Variants in ROBO1 observed in about 807,000 individuals in gnomAD.
The protein encoded by ROBO1 is roundabout guidance receptor 1.
Under a neutral mutation model 195.9 loss-of-function variants are expected in ROBO1, and 149 were observed. The ratio of observed to expected loss-of-function variants is 0.76; its 90% CI spans 0.67 to 0.87. The LOEUF is 0.87. Among genes scored for constraint, ROBO1 ranks in the 40% least tolerant of loss-of-function variants. The probability of loss-of-function intolerance (pLI) is 0.00; values close to 1 mark genes in which losing one functional copy is unlikely to be tolerated. For missense variants in ROBO1, 1,933 were observed against 2,068.3 expected, an observed-to-expected ratio of 0.93 and a Z score of 1.27; for synonymous variants, 816 against 733.2, an observed-to-expected ratio of 1.11 and a Z score of -1.82.
chr3:79,355,160 G>C (rs566339764), intron 2 of ROBO1, among the ~76,000 whole-genome samples: 1 of 151,178 alleles, frequency 6.6e-6, no homozygotes, highest in Non-Finnish European at 1.5e-5. Flanking sequence ...AGCAAGACTC[G>C]GTCTCAAAAA....
chr3:79,502,507 C>T (rs996117451), intron 2 of ROBO1, among the ~76,000 whole-genome samples: 1 of 152,102 alleles, frequency 6.6e-6, no homozygotes, highest in Non-Finnish European at 1.5e-5. Context: ...CCCTTCCCCA[C>T]CGCCATGGGC....
intron 2 of ROBO1, among the ~76,000 whole-genome samples, chr3:79,566,886 A>C (rs901314829): frequency 1.3e-5 from 2 of 152,172 alleles, no homozygotes; most frequent in African/African-American, 4.8e-5. Flanking sequence ...TTCCTAAAGG[A>C]CATAGAGACA....
At chr3:78,632,300 A>G (rs1705231521) in intron 24 of ROBO1, among the ~76,000 whole-genome samples, 1 of 152,126 alleles carries the variant, frequency 6.6e-6, no homozygotes, top group Non-Finnish European at 1.5e-5. Flanking sequence ...GGGAATTTTC[A>G]GTCAAATGGC....
intron 10 of ROBO1, among the ~76,000 whole-genome samples, chr3:78,684,731 T>C (rs2081014082): frequency 6.6e-6 from 1 of 152,102 alleles, no homozygotes; most frequent in African/African-American, 2.4e-5. Context: ...TAAAGAAAGA[T>C]GAGGAGTCAA....
chr3:79,289,502 T>G (rs1411921126), intron 2 of ROBO1, among the ~76,000 whole-genome samples: 1 of 152,124 alleles, frequency 6.6e-6, no homozygotes, highest in Non-Finnish European at 1.5e-5. Flanking sequence ...TTAGGTGAAA[T>G]GTTTACCACT....
At chr3:79,124,214 A>G (rs1259019180) in intron 3 of ROBO1, among the ~76,000 whole-genome samples, 1 of 152,072 alleles carries the variant, frequency 6.6e-6, no homozygotes, top group Non-Finnish European at 1.5e-5. Context: ...TCCCACCCCC[A>G]TAGACTTTCA....
intron 2 of ROBO1, among the ~76,000 whole-genome samples, chr3:79,448,151 G>A (rs981184798): frequency 6.6e-6 from 1 of 152,084 alleles, no homozygotes; most frequent in African/African-American, 2.4e-5. Context: ...GGCAAATTTA[G>A]GTTGATAAAT....
chr3:78,797,096 T>C (rs1298727291), intron 4 of ROBO1, among the ~76,000 whole-genome samples: 1 of 152,186 alleles, frequency 6.6e-6, no homozygotes, highest in East Asian at 1.9e-4. Flanking sequence ...TCTAACTTTC[T>C]AAAACTTTCA....
At chr3:78,629,640 T>C (rs957967088) in intron 25 of ROBO1, among the ~76,000 whole-genome samples, 2 of 136,410 alleles carry the variant, frequency 1.5e-5, no homozygotes, top group Admixed American at 7.3e-5. Flanking sequence ...TCCCTGTTTC[T>C]AAAAACAAAA....
chr3:79,358,042 G>A (rs1367458284), intron 2 of ROBO1, among the ~76,000 whole-genome samples: 3 of 152,020 alleles, frequency 2.0e-5, no homozygotes, highest in East Asian at 3.8e-4. Flanking sequence ...TTAGAATATC[G>A]GTTAAGAGCA....
intron 2 of ROBO1, among the ~76,000 whole-genome samples, chr3:79,478,670 C>T (rs1938669571): frequency 6.6e-6 from 1 of 152,122 alleles, no homozygotes; most frequent in Non-Finnish European, 1.5e-5. Context: ...CATCCCCATA[C>T]CACCTTCCAA....
At chr3:79,649,479 AT>A (rs1945935730) in intron 1 of ROBO1, among the ~76,000 whole-genome samples, 1 of 152,118 alleles carries the variant, frequency 6.6e-6, no homozygotes, top group African/African-American at 2.4e-5. Flanking sequence ...TTAGCCCAAA[AT>A]ATCCATATTC....
intron 2 of ROBO1, among the ~76,000 whole-genome samples, chr3:79,330,193 T>G (rs2034376647): frequency 6.7e-6 from 1 of 150,356 alleles, no homozygotes; most frequent in Admixed American, 6.7e-5. Context: ...TTAGGCAACA[T>G]GCATGGCACA....
At chr3:79,022,953 A>G (rs1408932526) in intron 3 of ROBO1, among the ~76,000 whole-genome samples, 1 of 152,202 alleles carries the variant, frequency 6.6e-6, no homozygotes, top group Non-Finnish European at 1.5e-5. Context: ...GGAGGTAGCC[A>G]CAGGAACTCT....
chr3:79,353,444 CAT>C (rs1318681463), intron 2 of ROBO1, among the ~76,000 whole-genome samples: 3 of 151,612 alleles, frequency 2.0e-5, no homozygotes, highest in African/African-American at 7.3e-5. Context: ...CAGAAGCACA[CAT>C]GTACGCAAAA....
chr3:79,540,931 G>T (rs1214444157), intron 2 of ROBO1, among the ~76,000 whole-genome samples: 1 of 151,924 alleles, frequency 6.6e-6, no homozygotes, highest in Non-Finnish European at 1.5e-5. Flanking sequence ...CATAATTATT[G>T]CATTTTGCAA....
At chr3:79,338,929 T>C (rs1156728362) in intron 2 of ROBO1, among the ~76,000 whole-genome samples, 1 of 152,194 alleles carries the variant, frequency 6.6e-6, no homozygotes, top group African/African-American at 2.4e-5. Context: ...AATCAAACTT[T>C]GATTTTACAT....
At chr3:79,200,425 A>G (rs556885525) in intron 2 of ROBO1, among the ~76,000 whole-genome samples, 2 of 151,966 alleles carry the variant, frequency 1.3e-5, no homozygotes, top group South Asian at 2.1e-4. Flanking sequence ...AAAAATATAC[A>G]TATATTTTAT....
intron 1 of ROBO1, among the ~76,000 whole-genome samples, chr3:79,700,935 C>T (rs1947605038): frequency 6.6e-6 from 1 of 151,722 alleles, no homozygotes; most frequent in African/African-American, 2.4e-5. Context: ...CCTAAGTTTT[C>T]TGCTAGGATT....
Sources: gnomAD v4.1 joint callset for allele counts (sites outside exome capture counted in the v4.1 genomes callset) on GRCh38, gnomAD v4.1.1 for gene constraint, MANE v1.5 for transcripts, NCBI Gene and HGNC (gene_info 2026-07-23, HGNC 2026-07-21) for gene names.